Variants in RASA2 observed in about 807,000 individuals in gnomAD.
RASA2 encodes the protein ras GTPase-activating protein 2.
In RASA2, 155 loss-of-function variants were observed where a neutral mutation model predicts 118.2. The ratio of observed to expected loss-of-function variants is 1.31; its 90% confidence interval spans 1.15 to 1.50. The LOEUF is 1.50. Ranked by LOEUF, RASA2 falls within the 40% of genes most tolerant of loss-of-function variation. RASA2 has a pLI of 0.00. For missense variants in RASA2, 1,016 were observed against 1,009.6 expected (o/e 1.01, Z -0.09); for synonymous variants, 353 against 349.1 (o/e 1.01, Z -0.12).
chr3:141,508,240 G>A (rs1338121056), intron 1 of RASA2, among the ~76,000 whole-genome samples: 1 of 152,042 alleles, frequency 6.6e-6, no homozygotes, highest in African/African-American at 2.4e-5. Flanking sequence ...CCAAAAGAGG[G>A]AGTATAAGAA....
chr3:141,572,693 G>A lies in RASA2; in HGVS notation c.1254G>A (p.Leu418=), dbSNP rs771537926. ...EMMKIVGGHY[L]KVTLKPILDE... is the part of the protein sequence containing the mutation. ...TGAAAATAGTGGGAGGGCACTACCTGAAAGTAACATTAAAACCTATTCTTG... is the reference window on the plus strand; with the variant it reads ...TGAAAATAGTGGGAGGGCACTACCTAAAAGTAACATTAAAACCTATTCTTG... The change falls in exon 12 of 24, where the codon CTG becomes CTA. Residue 418 remains leucine, a synonymous_variant. Transcript: ENST00000286364. The A allele has an allele frequency of 5.0e-6, 8 of 1,611,816 alleles. No individual in the cohort carries two copies. In the East Asian group the frequency reaches 1.6e-4, roughly 31 times the overall value.
intron 11 of RASA2, among the ~76,000 whole-genome samples, chr3:141,572,029 CATATATATATATATATATATAT>C (rs10568210): frequency 8.2e-6 from 1 of 121,462 alleles, no homozygotes; most frequent in Non-Finnish European, 1.7e-5. Flanking sequence ...TTTAAAAAAA[CATATATATATATATATATATAT>C]ATATATATAT....
intron 5 of RASA2, among the ~76,000 whole-genome samples, chr3:141,541,076 C>G (rs1277630012): frequency 6.6e-6 from 1 of 152,100 alleles, no homozygotes; most frequent in Admixed American, 6.6e-5. Flanking sequence ...AATCTCCTGG[C>G]TGTTCTGGAA....
intron 7 of RASA2, among the ~76,000 whole-genome samples, chr3:141,556,378 A>G (rs2082650314): frequency 6.6e-6 from 1 of 151,844 alleles, no homozygotes. Context: ...AAGGGAAACT[A>G]GCAGCACTAC....
intron 1 of RASA2, among the ~76,000 whole-genome samples, chr3:141,494,696 G>C (rs1559987425): frequency 6.6e-6 from 1 of 151,976 alleles, no homozygotes. Context: ...TTTTTCTAAG[G>C]CTTGAAATTA....
At chr3:141,497,891 A>G (rs112626062) in intron 1 of RASA2, among the ~76,000 whole-genome samples, 4,651 of 152,064 alleles carry the variant, frequency 0.031, 240 homozygotes, top group African/African-American at 0.1. Context: ...AAAAAAGTAG[A>G]AATAATACAG....
At chr3:141,563,564 A>G (rs908904273) in intron 9 of RASA2, among the ~76,000 whole-genome samples, 4 of 152,202 alleles carry the variant, frequency 2.6e-5, no homozygotes, top group African/African-American at 9.6e-5. Context: ...TAACATTTAC[A>G]TAGTGATTAC....
chr3:141,518,086 G>A (rs950011908), intron 3 of RASA2, among the ~76,000 whole-genome samples: 3 of 152,114 alleles, frequency 2.0e-5, no homozygotes, highest in African/African-American at 7.2e-5. Flanking sequence ...TTAATCATAG[G>A]CAGAGGTCTA....
intron 23 of RASA2, among the ~76,000 whole-genome samples, chr3:141,610,484 T>TAC (rs1429540636): frequency 7.6e-6 from 1 of 131,758 alleles, no homozygotes; most frequent in African/African-American, 2.9e-5. Flanking sequence ...TATAAATATA[T>TAC]ATATATATAT....
intron 3 of RASA2, among the ~76,000 whole-genome samples, chr3:141,527,902 A>G (rs936280605): frequency 1.3e-5 from 2 of 151,962 alleles, no homozygotes; most frequent in Non-Finnish European, 2.9e-5. Flanking sequence ...AAAAGAACTA[A>G]AATACATTAT....
At chr3:141,506,362 A>G (rs1320089728) in intron 1 of RASA2, among the ~76,000 whole-genome samples, 1 of 152,246 alleles carries the variant, frequency 6.6e-6, no homozygotes, top group Admixed American at 6.5e-5. Flanking sequence ...CTGCTTTTGC[A>G]TATTGCAGGA....
At chr3:141,587,003 C>A in intron 19 of RASA2, 1 of 476,024 alleles carries the variant, frequency 2.1e-6, no homozygotes, top group Non-Finnish European at 3.8e-6. Context: ...TCTAAAAATC[C>A]ATAGTAATCC....
At chr3:141,494,344 T>C (rs933271479) in intron 1 of RASA2, among the ~76,000 whole-genome samples, 1 of 152,270 alleles carries the variant, frequency 6.6e-6, no homozygotes, top group African/African-American at 2.4e-5. Flanking sequence ...TAATCTTTAC[T>C]GGTCTATGAA....
intron 1 of RASA2, among the ~76,000 whole-genome samples, chr3:141,500,410 A>C (rs2081762206): frequency 6.6e-6 from 1 of 152,214 alleles, no homozygotes; most frequent in East Asian, 1.9e-4. Flanking sequence ...TATATACAAA[A>C]TATTTTTTAA....
At chr3:141,496,351 C>CA (rs543444054) in intron 1 of RASA2, among the ~76,000 whole-genome samples, 33 of 151,606 alleles carry the variant, frequency 2.2e-4, no homozygotes, top group Admixed American at 2.0e-4. Context: ...TTCTGCACAG[C>CA]AAAAAAAACT....
intron 19 of RASA2, among the ~76,000 whole-genome samples, chr3:141,591,396 A>G (rs1261745161): frequency 6.6e-6 from 1 of 152,138 alleles, no homozygotes; most frequent in African/African-American, 2.4e-5. Context: ...CAGTGTAGCC[A>G]TTCCCTTACT....
chr3:141,603,519 C>T (rs773116459), intron 19 of RASA2, among the ~76,000 whole-genome samples: 4 of 151,716 alleles, frequency 2.6e-5, no homozygotes, highest in East Asian at 1.9e-4. Context: ...TGCAGTGAGC[C>T]GAGATCATGC....
intron 1 of RASA2, among the ~76,000 whole-genome samples, chr3:141,508,376 G>C (rs1032002951): frequency 6.6e-6 from 1 of 151,582 alleles, no homozygotes; most frequent in African/African-American, 2.4e-5. Context: ...GTGGTTTTTT[G>C]GGTTTTTTTT....
At position 141,538,153 on chromosome 3, in the gene RASA2, A is replaced by G. The variant is rs2082355787; in HGVS notation, c.451-2380A>G. ...CACAAACTTGTTTTGCTGCAATTCA[A>G]ATCTATTAAATGATTACAGATATAA... On this transcript the variant is annotated intron_variant, in intron 4 of 23. Transcript: ENST00000286364. 1.3e-5 allele frequency among the ~76,000 whole-genome samples: 2 copies of G among 152,058 alleles called. 1 individual carries two copies. The highest frequency in any genetic ancestry group is 4.1e-4 in the South Asian group (2 of 4,824).
Sources: gnomAD v4.1 joint callset for allele counts (sites outside exome capture counted in the v4.1 genomes callset) on GRCh38, gnomAD v4.1.1 for gene constraint, MANE v1.5 for transcripts, NCBI Gene and HGNC (gene_info 2026-07-23, HGNC 2026-07-21) for gene names.